The following ITPR1 variants were observed in gnomAD, a reference collection of about 807,000 sequenced individuals.
ITPR1 encodes inositol 1,4,5-trisphosphate receptor type 1, also known as inositol 1,4,5-trisphosphate-gated calcium channel ITPR1.
A neutral mutation model predicts 318.4 loss-of-function variants in ITPR1; 96 were observed. The ratio of observed to expected loss-of-function variants is 0.30; its 90% CI spans 0.26 to 0.36. ITPR1 has a LOEUF of 0.36. Among genes scored for constraint, ITPR1 ranks in the 10% least tolerant of loss-of-function variants. ITPR1 has a pLI of 1.00. For missense variants in ITPR1, 2,440 were observed against 3,460.2 expected (o/e 0.71, Z 7.40); for synonymous variants, 1,312 against 1,289.9 (o/e 1.02, Z -0.37).
chr3:4,504,609 G>T (rs1445202573), intron 2 of ITPR1, among the ~76,000 whole-genome samples: 1 of 152,174 alleles, frequency 6.6e-6, no homozygotes, highest in Non-Finnish European at 1.5e-5. Context: ...GTGTGAAAAC[G>T]TGTGGGGAGG....
intron 61 of ITPR1, among the ~76,000 whole-genome samples, chr3:4,842,560 G>T (rs771192788): frequency 6.6e-6 from 1 of 152,098 alleles, no homozygotes; most frequent in African/African-American, 2.4e-5. Flanking sequence ...TAGAGATGGG[G>T]TTTTACCATG....
intron 4 of ITPR1, among the ~76,000 whole-genome samples, chr3:4,575,024 G>A (rs1345645112): frequency 6.6e-6 from 1 of 152,220 alleles, no homozygotes; most frequent in Non-Finnish European, 1.5e-5. Flanking sequence ...GCTTACACAT[G>A]GGTGTACGTT....
At chr3:4,765,354 C>T (rs1183077697) in intron 44 of ITPR1, among the ~76,000 whole-genome samples, 1 of 152,110 alleles carries the variant, frequency 6.6e-6, no homozygotes, top group African/African-American at 2.4e-5. Context: ...GCATTGTGGG[C>T]AGACAGGACA....
chr3:4,653,043 CAGGAGGA>C (rs2093631924), intron 11 of ITPR1, among the ~76,000 whole-genome samples: 1 of 152,174 alleles, frequency 6.6e-6, no homozygotes. Context: ...TGCTGAAGGA[CAGGAGGA>C]ATTTACCTTT....
At chr3:4,699,660 A>G (rs1013512179) in intron 34 of ITPR1, among the ~76,000 whole-genome samples, 153 bp from the exon 35 acceptor site, 3 of 152,090 alleles carry the variant, frequency 2.0e-5, no homozygotes, top group Admixed American at 2.0e-4. Context: ...CATGATTTAT[A>G]TTTTATTATT....
intron 26 of ITPR1, among the ~76,000 whole-genome samples, chr3:4,682,016 T>A (rs2094312813): frequency 6.6e-6 from 1 of 152,236 alleles, no homozygotes; most frequent in Non-Finnish European, 1.5e-5. Context: ...CATATGCACA[T>A]AGTTCTTATA....
chr3:4,659,559 C>T (rs866108661), intron 13 of ITPR1, among the ~76,000 whole-genome samples: 1 of 151,998 alleles, frequency 6.6e-6, no homozygotes, highest in Non-Finnish European at 1.5e-5. Context: ...TGGTGGCACA[C>T]ACCTGTAGTC....
intron 50 of ITPR1, 74 bp downstream of exon 50, chr3:4,782,815 C>G: frequency 1.5e-6 from 2 of 1,355,778 alleles, no homozygotes; most frequent in Non-Finnish European, 1.9e-6. Context: ...AGGGTGCCCC[C>G]AGTCTTGCTT....
chr3:4,570,878 A>G (rs896143696), intron 4 of ITPR1, among the ~76,000 whole-genome samples: 2 of 152,212 alleles, frequency 1.3e-5, no homozygotes, highest in Non-Finnish European at 2.9e-5. Flanking sequence ...CCTCAGGCAG[A>G]CACAACAAGA....
chr3:4,644,070 G>T (rs2093399447), intron 7 of ITPR1, 66 bp from the exon 8 acceptor site: 6 of 1,014,476 alleles, frequency 5.9e-6, no homozygotes, highest in South Asian at 4.1e-5. Flanking sequence ...TTCTAGAACT[G>T]CCCAGTGGTC....
intron 4 of ITPR1, among the ~76,000 whole-genome samples, chr3:4,624,628 C>G (rs986665471): frequency 3.4e-5 from 5 of 148,404 alleles, no homozygotes. Context: ...CGAGATCGTG[C>G]CACTGCACTC....
intron 5 of ITPR1, among the ~76,000 whole-genome samples, chr3:4,635,488 C>T (rs2093157944): frequency 6.6e-6 from 1 of 151,534 alleles, no homozygotes; most frequent in African/African-American, 2.4e-5. Flanking sequence ...CTACAGGTGC[C>T]CGCCACCACG....
intron 51 of ITPR1, among the ~76,000 whole-genome samples, chr3:4,784,535 A>G (rs4685818): frequency 0.95 from 143,488 of 151,276 alleles, 68,143 homozygotes; most frequent in East Asian, 1. Flanking sequence ...GTTTTCCCCA[A>G]GAGGGCATTA....
chr3:4,668,201 A>G (rs1392924159), intron 18 of ITPR1, among the ~76,000 whole-genome samples: 3 of 147,300 alleles, frequency 2.0e-5, no homozygotes, highest in African/African-American at 7.6e-5. Context: ...AGTAGGTCTT[A>G]TTCGTTCTTT....
intron 44 of ITPR1, among the ~76,000 whole-genome samples, chr3:4,743,804 A>G (rs1191048112): frequency 3.9e-5 from 6 of 152,168 alleles, no homozygotes; most frequent in African/African-American, 1.4e-4. Flanking sequence ...TGCGAAACCT[A>G]GAAGCAGGAA....
chr3:4,553,538 C>G (rs915033427), intron 4 of ITPR1, among the ~76,000 whole-genome samples: 7 of 152,014 alleles, frequency 4.6e-5, no homozygotes, highest in Non-Finnish European at 7.4e-5. Context: ...TTAAGCAGTC[C>G]TCCCACCTCA....
rs144769683 is a variant in ITPR1 at position 4,568,432 on chromosome 3, T to C, written c.163+47338T>C. Among the ~76,000 whole-genome samples the C allele has an allele frequency of 5.0e-4, 76 of 152,330 alleles. 2 individuals carry two copies. In the East Asian group the frequency reaches 0.013, roughly 26 times the overall value. On this transcript the variant is annotated intron_variant, in intron 4 of 61. Coordinates refer to ENST00000649015, the MANE Select transcript of ITPR1 (RefSeq NM_001378452.1). ...TCCCAAGTTGGGTTAAGGCATTATT[T>C]CTTCCCTGGAGCTAACCTCACCCAA...
intron 36 of ITPR1, among the ~76,000 whole-genome samples, chr3:4,705,009 T>A (rs1244949864): frequency 6.6e-6 from 1 of 152,170 alleles, no homozygotes; most frequent in Non-Finnish European, 1.5e-5. Context: ...GGCTTATAGT[T>A]TTTTTTCCGC....
intron 22 of ITPR1, 42 bp downstream of exon 22, chr3:4,674,385 C>G: frequency 6.5e-7 from 1 of 1,530,212 alleles, no homozygotes. Flanking sequence ...ATCTGCCTCT[C>G]AGTGGTCATT....
Sources: gnomAD v4.1 joint callset for allele counts (sites outside exome capture counted in the v4.1 genomes callset) on GRCh38, gnomAD v4.1.1 for gene constraint, MANE v1.5 for transcripts, NCBI Gene and HGNC (gene_info 2026-07-23, HGNC 2026-07-21) for gene names.